The following KCNK10 variants were observed in gnomAD, a reference collection of about 807,000 sequenced individuals.
The protein encoded by KCNK10 is potassium two pore domain channel subfamily K member 10, also known as potassium channel subfamily K member 10.
KCNK10 carries 25 observed loss-of-function variants against 47.7 expected under a neutral mutation model. The ratio of observed to expected loss-of-function variants is 0.52; its 90% confidence interval spans 0.38 to 0.73. The LOEUF is 0.73. Among genes scored for constraint, KCNK10 ranks in the 30% least tolerant of loss-of-function variants. The pLI is 0.00. For missense variants in KCNK10, 563 were observed against 714.5 expected, an observed-to-expected ratio of 0.79 and a Z score of 2.42; for synonymous variants, 303 against 285.6, an observed-to-expected ratio of 1.06 and a Z score of -0.61.
intron 4 of KCNK10, among the ~76,000 whole-genome samples, chr14:88,219,903 T>C (rs927900544): frequency 7.2e-5 from 11 of 152,338 alleles, no homozygotes; most frequent in Middle Eastern, 3.4e-3. Context: ...TGAGAATCAC[T>C]GGTCCATTAT....
upstream of KCNK10, chr14:88,326,880 C>T (rs1479156945): frequency 5.1e-6 from 1 of 196,276 alleles, no homozygotes; most frequent in African/African-American, 2.4e-5. Context: ...CCCGGGGTAG[C>T]TGTGAGACCG....
chr14:88,188,927 T>C (rs576735426), intron 5 of KCNK10, among the ~76,000 whole-genome samples: 1 of 152,198 alleles, frequency 6.6e-6, no homozygotes, highest in Admixed American at 6.5e-5. Flanking sequence ...GCAAAACAGG[T>C]TGCAAGCCCA....
chr14:88,190,422 G>C (rs534928936), intron 5 of KCNK10, among the ~76,000 whole-genome samples: 1 of 152,132 alleles, frequency 6.6e-6, no homozygotes, highest in Admixed American at 6.5e-5. Flanking sequence ...GACCGGCTAC[G>C]GATGATGCCA....
rs1888585432 is a variant in KCNK10, at chr14:88,323,149, G to A, written c.-351C>T. 1.8e-6 allele frequency: 2 copies of A among 1,138,214 alleles called. No homozygotes were observed. Among genetic ancestry groups the A allele is most frequent in the Admixed American group, 4.4e-5 (1 of 22,682 alleles). The allele number at this position is 1,138,214 out of a possible 1,614,324, so 70.5% of individuals were successfully genotyped here. The stretch of plus-strand genomic sequence containing the variant: ...AAGCGGTGCCGGCAGGTTAGGGGCT[G>A]CGCAGCCTGAAGGCTGGGGCTACGG... On this transcript the variant is annotated 5_prime_UTR_variant, in exon 1 of 7. Coordinates refer to ENST00000319231, the MANE Select transcript of KCNK10 (RefSeq NM_138317.3).
At position 88,263,304 on chromosome 14, in the gene KCNK10, C is replaced by T; in HGVS notation, c.300G>A (p.Gln100=). 6.2e-7 allele frequency: 1 copy of T among 1,614,084 alleles called. No individual in the cohort carries two copies. Among genetic ancestry groups the T allele is most frequent in the Non-Finnish European group, 8.5e-7 (1 of 1,180,044 alleles). ...TGGLVFRALE[Q]PFESSQKNTI... is the part of the protein sequence containing the mutation. ...TATTCTTCTGGCTGCTCTCAAAGGG[C>T]TGCTCCAATGCCCGGAAGACAAGAC... is the stretch of plus-strand genomic sequence containing the variant. Residue 100 remains glutamine, a synonymous_variant, in exon 2 of 7, where the codon CAG becomes CAA. Coordinates refer to ENST00000319231, the MANE Select transcript of KCNK10 (RefSeq NM_138317.3).
At chr14:88,252,664 C>T (rs776955854) in intron 2 of KCNK10, among the ~76,000 whole-genome samples, 6 of 152,144 alleles carry the variant, frequency 3.9e-5, no homozygotes, top group Non-Finnish European at 7.4e-5. Context: ...CCTCACATGC[C>T]GCTGCCCACA....
At chr14:88,253,808 GA>G in intron 2 of KCNK10, among the ~76,000 whole-genome samples, 1 of 152,196 alleles carries the variant, frequency 6.6e-6, no homozygotes, top group Non-Finnish European at 1.5e-5. Context: ...TGAGGCAGGA[GA>G]ATCACTTGAA....
At chr14:88,294,070 G>A (rs1887935139) in intron 1 of KCNK10, among the ~76,000 whole-genome samples, 1 of 152,082 alleles carries the variant, frequency 6.6e-6, no homozygotes, top group South Asian at 2.1e-4. Context: ...TTTTGTTTAG[G>A]GAAACCACTA....
At chr14:88,256,992 C>T (rs901502189) in intron 2 of KCNK10, among the ~76,000 whole-genome samples, 7 of 152,138 alleles carry the variant, frequency 4.6e-5, no homozygotes, top group Admixed American at 1.3e-4. Context: ...TAGGATTTAA[C>T]GTGGGGAGAT....
intron 4 of KCNK10, among the ~76,000 whole-genome samples, chr14:88,221,025 G>A (rs1296653263): frequency 6.6e-6 from 1 of 151,998 alleles, no homozygotes; most frequent in East Asian, 1.9e-4. Context: ...AATATGGCCA[G>A]GCACAGTGGC....
intron 3 of KCNK10, among the ~76,000 whole-genome samples, chr14:88,229,663 C>T (rs1886100122): frequency 6.6e-6 from 1 of 152,156 alleles, no homozygotes; most frequent in Non-Finnish European, 1.5e-5. Context: ...GACAGAAAGT[C>T]ATCATTCTTG....
intron 1 of KCNK10, among the ~76,000 whole-genome samples, chr14:88,276,708 C>T (rs1055047372): frequency 6.6e-6 from 1 of 152,252 alleles, no homozygotes; most frequent in Admixed American, 6.5e-5. Flanking sequence ...TCTCTCTGCT[C>T]AGAGTCACAG....
In KCNK10 at chr14:88,263,350, A is replaced by T; in HGVS notation, c.254T>A (p.Val85Glu). 2 of 1,613,882 alleles carry T rather than the reference A, an allele frequency of 1.2e-6. No homozygotes were observed. Among genetic ancestry groups the T allele is most frequent in the Non-Finnish European group, 1.7e-6 (2 of 1,180,040 alleles). Reference protein sequence around the residue: ...KTVVAIFVVVVVYLVTGGLVF... With the variant: ...KTVVAIFVVVEVYLVTGGLVF... ...AAGACCGCCAGTGACAAGGTAGACCACCACAACCACAAAGATGGCAACCAC... is the reference window on the plus strand; with the variant it reads ...AAGACCGCCAGTGACAAGGTAGACCTCCACAACCACAAAGATGGCAACCAC... The change falls in exon 2 of 7, where the codon GTG becomes GAG. Residue 85 changes from valine (V) to glutamate (E), a missense_variant. Transcript: ENST00000319231.
In KCNK10 at chr14:88,263,478, C is replaced by T. The variant is rs143936250; in HGVS notation, c.126G>A (p.Pro42=). The T allele has an allele frequency of 3.6e-3, 5,830 of 1,613,856 alleles. 17 individuals are homozygous for T. The highest frequency in any genetic ancestry group is 4.3e-3 in the Non-Finnish European group (5,132 of 1,180,030). Reference sequence around the variant, plus strand: ...AAATGGACAGGCGCGGAGTTGGAGTCGGAGCCGGAGCCGGGGGTTGCCCGT... The same window carrying T: ...AAATGGACAGGCGCGGAGTTGGAGTTGGAGCCGGAGCCGGGGGTTGCCCGT... The part of the protein sequence containing the change: ...ATNGQPPAPA[P]TPTPRLSISS... The change falls in exon 2 of 7, where the codon CCG becomes CCA. Residue 42 remains proline, a synonymous_variant. Coordinates refer to ENST00000319231, the MANE Select transcript of KCNK10 (RefSeq NM_138317.3).
intron 5 of KCNK10, among the ~76,000 whole-genome samples, chr14:88,191,266 A>G (rs1884737924): frequency 7.0e-6 from 1 of 142,498 alleles, no homozygotes; most frequent in African/African-American, 2.6e-5. Flanking sequence ...AACAAAAACA[A>G]AAACAAAAAC....
At chr14:88,267,375 CTT>C (rs59088203) in intron 1 of KCNK10, among the ~76,000 whole-genome samples, 6 of 144,984 alleles carry the variant, frequency 4.1e-5, no homozygotes, top group Admixed American at 2.1e-4. Flanking sequence ...TTTTCTTTTT[CTT>C]TTTTTTTTTT....
chr14:88,185,626 T>G lies in KCNK10; in HGVS notation c.1541A>C (p.Gln514Pro). The stretch of plus-strand genomic sequence containing the variant: ...TCCGTTCTCCAACTCAGCGTGCTGC[T>G]GGATACAGTCCGTCAGCATGGCTGT... Reference protein sequence around the residue: ...SSTAMLTDCIQQHAELENGMI... With the variant: ...SSTAMLTDCIPQHAELENGMI... Residue 514 changes from glutamine (Q) to proline (P), a missense_variant, in exon 7 of 7, where the codon CAG becomes CCG. Gln to Pro is a moderately conservative substitution (Grantham distance 76). Coordinates refer to ENST00000319231, the MANE Select transcript of KCNK10 (RefSeq NM_138317.3). The surrounding 1 kb of genome is among the most constrained non-coding windows in gnomAD (Gnocchi z 4.3). The G allele has an allele frequency of 6.2e-7, 1 of 1,614,228 alleles. No individual in the cohort carries two copies. Among genetic ancestry groups the G allele is most frequent in the Non-Finnish European group, 8.5e-7 (1 of 1,180,014 alleles).
At chr14:88,316,353 T>C (rs535965348) in intron 1 of KCNK10, among the ~76,000 whole-genome samples, 1 of 152,186 alleles carries the variant, frequency 6.6e-6, no homozygotes, top group African/African-American at 2.4e-5. Flanking sequence ...TGGCTGCAAA[T>C]GACAAATAGA....
chr14:88,212,109 A>AAT (rs34318518), intron 4 of KCNK10, among the ~76,000 whole-genome samples: 4,078 of 133,120 alleles, frequency 0.031, 162 homozygotes, highest in African/African-American at 0.051. Context: ...TGATAGTGAG[A>AAT]ATATATATAT....
Sources: gnomAD v4.1 joint callset for allele counts (sites outside exome capture counted in the v4.1 genomes callset) on GRCh38, gnomAD v4.1.1 for gene constraint, Gnocchi (gnomAD v3.1) non-coding constraint, MANE v1.5 for transcripts, NCBI Gene and HGNC (gene_info 2026-07-23, HGNC 2026-07-21) for gene names.